The following PCDHGA8 variants were observed in gnomAD, a reference collection of about 807,000 sequenced individuals.
PCDHGA8 encodes the protein protocadherin gamma-A8.
PCDHGA8 carries 45 observed loss-of-function variants against 59.2 expected under a neutral mutation model. The ratio of observed to expected loss-of-function variants is 0.76; its 90% CI spans 0.60 to 0.98. The LOEUF (loss-of-function observed/expected upper bound fraction) is 0.98, where lower values mean the gene tolerates loss of function less well. PCDHGA8 is among the 50% of genes least tolerant of loss of function. The probability of loss-of-function intolerance (pLI) is 0.00; values close to 1 mark genes in which losing one functional copy is unlikely to be tolerated. For synonymous variants in PCDHGA8, 531 were observed against 519.0 expected, an observed-to-expected ratio of 1.02 and a Z score of -0.32; for missense variants, 1,257 against 1,196.2, an observed-to-expected ratio of 1.05 and a Z score of -0.75.
rs755325492 is a variant in PCDHGA8, at chr5:141,393,024, A to G, written c.211A>G (p.Arg71Gly). The change falls in exon 1 of 4, where the codon AGG (arginine) becomes GGG (glycine). Residue 71 changes from arginine to glycine, a missense_variant. Physicochemically the swap from Arg to Gly is moderately radical, Grantham distance 125. Coordinates refer to ENST00000398604, the MANE Select transcript of PCDHGA8 (RefSeq NM_032088.2). ...KHGVRIVSRGRTQLFALNPRS... is the reference protein window; with the variant it reads ...KHGVRIVSRGGTQLFALNPRS... ...CGGAGTCCGTATCGTCTCCAGAGGTAGGACGCAGCTCTTTGCTCTGAACCC... is the reference window on the plus strand; with the variant it reads ...CGGAGTCCGTATCGTCTCCAGAGGTGGGACGCAGCTCTTTGCTCTGAACCC... 1 of 1,613,834 alleles carries G rather than the reference A, an allele frequency of 6.2e-7. No individual in the cohort carries two copies. Among genetic ancestry groups the G allele is most frequent in the East Asian group, 2.2e-5 (1 of 44,876 alleles).
At chr5:141,473,779 T>C (rs2099328680) in intron 1 of PCDHGA8, among the ~76,000 whole-genome samples, 1 of 152,204 alleles carries the variant, frequency 6.6e-6, no homozygotes, top group Non-Finnish European at 1.5e-5. Context: ...GGTATTTTAA[T>C]TCAAGAGCAG....
chr5:141,485,009 C>A lies in PCDHGA8; in HGVS notation c.2425-9798C>A, dbSNP rs531346426. 4 of 628,216 alleles carry A rather than the reference C, an allele frequency of 6.4e-6. No individual in the cohort carries two copies. Among genetic ancestry groups the A allele is most frequent in the African/African-American group, 3.7e-5 (2 of 54,100 alleles). 38.9% of individuals were successfully genotyped at this position (628,216 alleles called of 1,614,324 possible). On this transcript the variant is annotated intron_variant, in intron 1 of 3. Transcript: ENST00000398604. This position sits in a 1 kb window ranked among gnomAD's most constrained non-coding sequence, Gnocchi z 5.7. Reference sequence around the variant, plus strand: ...GGTGGTGAAAGGCAGACAAATCTACCCCGCCACCAGCAAAAACGGCGCGTA... The same window carrying A: ...GGTGGTGAAAGGCAGACAAATCTACACCGCCACCAGCAAAAACGGCGCGTA...
At chr5:141,418,868 G>A in intron 1 of PCDHGA8, 2 of 1,613,998 alleles carry the variant, frequency 1.2e-6, no homozygotes, top group Non-Finnish European at 1.7e-6. Flanking sequence ...AATTGTAGAA[G>A]TTGTAGACGA....
chr5:141,477,553 A>T lies in PCDHGA8; in HGVS notation c.2425-17254A>T, dbSNP rs1478806410. 6.2e-7 allele frequency: 1 copy of T among 1,614,090 alleles called. No homozygotes were observed. Among genetic ancestry groups the T allele is most frequent in the Admixed American group, 1.7e-5 (1 of 60,028 alleles). On this transcript the variant is annotated intron_variant, in intron 1 of 3. Coordinates refer to ENST00000398604, the MANE Select transcript of PCDHGA8 (RefSeq NM_032088.2). The surrounding 1 kb of genome is among the most constrained non-coding windows in gnomAD (Gnocchi z 4.9). ...TCCCCGGGGCTCCAATACTAAACCT[A>T]AGTGTCTGGGACCCCGACGCCCCGC...
At position 141,505,908 on chromosome 5, in the gene PCDHGA8, T is replaced by C. The variant is rs114551975; in HGVS notation, c.2572+427T>C. On this transcript the variant is annotated intron_variant, in intron 3 of 3. Coordinates refer to ENST00000398604, the MANE Select transcript of PCDHGA8 (RefSeq NM_032088.2). ...TTAAATGAGATGATACCACAAAGCATAGAGTTCTGGGCCTGGCGCTTGGAA... is the reference window on the plus strand; with the variant it reads ...TTAAATGAGATGATACCACAAAGCACAGAGTTCTGGGCCTGGCGCTTGGAA... 4.0e-3 allele frequency among the ~76,000 whole-genome samples: 608 copies of C among 152,218 alleles called. 3 individuals are homozygous for C. The highest frequency in any genetic ancestry group is 0.013 in the African/African-American group (551 of 41,540).
intron 1 of PCDHGA8, among the ~76,000 whole-genome samples, chr5:141,453,360 C>T (rs966238012): frequency 6.6e-6 from 1 of 152,000 alleles, no homozygotes; most frequent in Non-Finnish European, 1.5e-5. Context: ...CCCTGAACTC[C>T]TGGGGTCAAG....
intron 1 of PCDHGA8, among the ~76,000 whole-genome samples, chr5:141,453,176 C>A (rs1225418058): frequency 6.6e-6 from 1 of 152,042 alleles, no homozygotes; most frequent in African/African-American, 2.4e-5. Flanking sequence ...TCCAGTGGTA[C>A]AATCACAGCT....
chr5:141,510,994 G>A lies in PCDHGA8; in HGVS notation c.2620G>A (p.Gly874Arg). ...CCTGGGAGGGGGTGCCGGCACCATG[G>A]GATTGAGCGCCCGCTACGGACCCCA... ...STLGGGAGTM[G>R]LSARYGPQFT... The change falls in exon 4 of 4, where the codon GGA becomes AGA. Residue 874 changes from glycine to arginine, a missense_variant. Physicochemically the swap from Gly to Arg is moderately radical, Grantham distance 125 (BLOSUM62 -2). Transcript: ENST00000398604. 1 of 1,614,168 alleles carries A rather than the reference G, an allele frequency of 6.2e-7. No homozygotes were observed. Among genetic ancestry groups the A allele is most frequent in the Non-Finnish European group, 8.5e-7 (1 of 1,180,022 alleles).
In PCDHGA8 at chr5:141,459,352, C is replaced by T. The variant is rs111826527; in HGVS notation, c.2425-35455C>T. On this transcript the variant is annotated intron_variant, in intron 1 of 3. Coordinates refer to ENST00000398604, the MANE Select transcript of PCDHGA8 (RefSeq NM_032088.2). Reference sequence around the variant, plus strand: ...TACTCCAAAGTTCTTGAAATTCATTCATGTTCCTGTGTGTATCAGCAGCGT... The same window carrying T: ...TACTCCAAAGTTCTTGAAATTCATTTATGTTCCTGTGTGTATCAGCAGCGT... 1.4e-4 allele frequency among the ~76,000 whole-genome samples: 21 copies of T among 152,304 alleles called. No homozygotes were observed. The East Asian group carries it at 3.7e-3, about 27-fold the overall frequency.
chr5:141,424,295 C>T (rs1481053072), intron 1 of PCDHGA8: 1 of 152,526 alleles, frequency 6.6e-6, no homozygotes, highest in East Asian at 1.9e-4. Flanking sequence ...TTTCTTCATC[C>T]TATCAACACA....
At position 141,416,345 on chromosome 5, in the gene PCDHGA8, A is replaced by T. The variant is rs542527661; in HGVS notation, c.2424+21108A>T. ...ATTTAACTTTCATTGCTCAATAGGG[A>T]TCCTGAGGAGGCTATAGAGGGTGAA... On this transcript the variant is annotated intron_variant, in intron 1 of 3. Transcript: ENST00000398604. The T allele has an allele frequency of 4.6e-5, 7 of 152,330 alleles. No homozygotes were observed. In the East Asian group the frequency reaches 1.3e-3, roughly 29 times the overall value. The allele number at this position is 152,330 out of a possible 1,614,324, so 9.4% of individuals were successfully genotyped here. A position where few individuals can be genotyped will look rare whatever the true frequency, so the allele number is the denominator to read the frequency against.
Position 141,491,176 on chromosome 5 carries a change from G to A in PCDHGA8, c.2425-3631G>A. The A allele has an allele frequency of 1.2e-6, 2 of 1,614,210 alleles. No homozygotes were observed. The highest frequency in any genetic ancestry group is 8.5e-7 in the Non-Finnish European group (1 of 1,180,024). On this transcript the variant is annotated intron_variant, in intron 1 of 3. Transcript: ENST00000398604. The surrounding 1 kb of genome is among the most constrained non-coding windows in gnomAD (Gnocchi z 6.9). ...TGACTCTGACACCCAGCAGGTGGTG[G>A]TCCTGGTGAGGGACAATGGTGACCC...
chr5:141,405,446 G>A, intron 1 of PCDHGA8: 1 of 1,338,140 alleles, frequency 7.5e-7, no homozygotes, highest in Non-Finnish European at 1.0e-6. Flanking sequence ...TTGAGACAGA[G>A]TCTTACTCTG....
intron 1 of PCDHGA8, chr5:141,427,778 A>T: frequency 1.4e-6 from 2 of 1,436,676 alleles, no homozygotes; most frequent in Non-Finnish European, 1.9e-6. Context: ...AGCTGCGGGC[A>T]CTGTCGTCCT....
At chr5:141,478,586 T>C (rs754157570) in intron 1 of PCDHGA8, 6 of 1,576,788 alleles carry the variant, frequency 3.8e-6, no homozygotes, top group Non-Finnish European at 3.4e-6. Context: ...GTTAGTGCTT[T>C]TTTATTCCTA....
In PCDHGA8 at chr5:141,393,401, G is replaced by C; in HGVS notation, c.588G>C (p.Leu196=). Residue 196 remains leucine, a synonymous_variant, in exon 1 of 4, where the codon CTG becomes CTC. Transcript: ENST00000398604. ...GAGCCATAAACCCAGAGCTGGTGCT[G>C]GAGCGCGCCCTGGACAGGGAGGAAG... is the stretch of plus-strand genomic sequence containing the variant. ...DNGAINPELV[L]ERALDREEEA... 1 of 1,614,036 alleles carries C rather than the reference G, an allele frequency of 6.2e-7. No individual in the cohort carries two copies. Among genetic ancestry groups the C allele is most frequent in the South Asian group, 1.1e-5 (1 of 91,086 alleles).
At chr5:141,478,442 C>T in intron 1 of PCDHGA8, 1 of 1,613,608 alleles carries the variant, frequency 6.2e-7, no homozygotes, top group Non-Finnish European at 8.5e-7. Flanking sequence ...GCTGAAGAAA[C>T]CTGGTGCAGC....
At chr5:141,395,557 T>C (rs1405901510) in intron 1 of PCDHGA8, 1 of 136,750 alleles carries the variant, frequency 7.3e-6, no homozygotes, top group East Asian at 1.5e-4. Context: ...TGTGTGTGTG[T>C]GTGTGTGTGT....
At chr5:141,451,154 TTTTTGGTAGTATA>T (rs2098709149) in intron 1 of PCDHGA8, among the ~76,000 whole-genome samples, 1 of 152,152 alleles carries the variant, frequency 6.6e-6, no homozygotes, top group Non-Finnish European at 1.5e-5. Flanking sequence ...ACTAGACATT[TTTTTGGTAGTATA>T]TTATTTAGCC....
Sources: allele counts gnomAD v4.1 joint callset (sites outside exome capture counted in the v4.1 genomes callset), GRCh38; gene constraint gnomAD v4.1.1; non-coding constraint Gnocchi (gnomAD v3.1); transcripts MANE v1.5; gene names NCBI Gene and HGNC (gene_info 2026-07-23, HGNC 2026-07-21).